TASP1: variants seen among roughly 807,000 people sequenced by gnomAD.
The protein encoded by TASP1 is threonine aspartase 1.
TASP1 carries 16 observed loss-of-function variants against 56.6 expected under a neutral mutation model. The observed-to-expected ratio is 0.28, with a 90% CI of 0.19 to 0.43. The LOEUF is 0.43. Ranked by LOEUF, TASP1 falls within the 20% of genes least tolerant of loss-of-function variation. The probability of loss-of-function intolerance (pLI) is 1.00; values close to 1 mark genes in which losing one functional copy is unlikely to be tolerated. For missense variants in TASP1, 393 were observed against 511.6 expected, an observed-to-expected ratio of 0.77 and a Z score of 2.24; for synonymous variants, 179 against 184.2, an observed-to-expected ratio of 0.97 and a Z score of 0.23.
At chr20:13,365,338 G>A in the TASP1 span, among the ~76,000 whole-genome samples, 13 of 152,110 alleles carry the variant, frequency 8.5e-5, no homozygotes, top group African/African-American at 2.2e-4. Flanking sequence ...CTAGATTCAC[G>A]GAGCATATAC....
chr20:13,343,841 C>T, the TASP1 span, among the ~76,000 whole-genome samples: 1 of 152,152 alleles, frequency 6.6e-6, no homozygotes, highest in Non-Finnish European at 1.5e-5. Context: ...CAAGTGGAAT[C>T]TATTCCTGCA....
chr20:13,273,757 A>T, the TASP1 span, among the ~76,000 whole-genome samples: 1 of 152,214 alleles, frequency 6.6e-6, no homozygotes, highest in Admixed American at 6.5e-5. Flanking sequence ...CAAAGTCAAC[A>T]AATCAAAAAG....
rs557550539 is a variant in TASP1 at position 13,578,878 on chromosome 20, G to A, written c.488+2019C>T. On this transcript the variant is annotated intron_variant, in intron 6 of 13. Coordinates refer to ENST00000337743, the MANE Select transcript of TASP1 (RefSeq NM_017714.3). ...ATAACAGTATCATGCTATCCATTAA[G>A]TACATCCAACTCTTTCATCTGTTTT... Among the ~76,000 whole-genome samples, 11 of 152,208 alleles carry A rather than the reference G, an allele frequency of 7.2e-5. No homozygotes were observed. The South Asian group carries it at 8.3e-4, about 11-fold the overall frequency.
chr20:13,624,472 A>G (rs2048818104), intron 3 of TASP1, among the ~76,000 whole-genome samples: 1 of 152,156 alleles, frequency 6.6e-6, no homozygotes, highest in African/African-American at 2.4e-5. Flanking sequence ...AATCTCTGAT[A>G]AAGTATAATC....
At position 13,569,591 on chromosome 20, in the gene TASP1, C is replaced by T. The variant is rs1169905292; in HGVS notation, c.489-5G>A. The T allele has an allele frequency of 1.2e-6, 2 of 1,610,214 alleles. No individual in the cohort carries two copies. The highest frequency in any genetic ancestry group is 1.7e-6 in the Non-Finnish European group (2 of 1,178,618). ...GCTCCTTCTCCAACTAAAAAGCTAA[C>T]AACAGAAAAATTATTTTTAAAATTC... On this transcript the variant is annotated splice_polypyrimidine_tract_variant and splice_region_variant and intron_variant, in intron 6 of 13. Coordinates refer to ENST00000337743, the MANE Select transcript of TASP1 (RefSeq NM_017714.3).
chr20:13,287,994 T>C, the TASP1 span, among the ~76,000 whole-genome samples: 8 of 152,180 alleles, frequency 5.3e-5, no homozygotes, highest in African/African-American at 9.7e-5. Context: ...TGCTCACATG[T>C]CTGGTGTCTG....
chr20:13,394,810 C>A (rs1365390523), intron 13 of TASP1, among the ~76,000 whole-genome samples: 1 of 152,080 alleles, frequency 6.6e-6, no homozygotes, highest in African/African-American at 2.4e-5. Flanking sequence ...CAGACAGATT[C>A]TTGAGGTTAA....
the TASP1 span, among the ~76,000 whole-genome samples, chr20:13,232,879 T>C: frequency 6.6e-6 from 1 of 152,232 alleles, no homozygotes; most frequent in Non-Finnish European, 1.5e-5. Flanking sequence ...GAGAAGATAC[T>C]GTCTCCTTAG....
intron 11 of TASP1, among the ~76,000 whole-genome samples, chr20:13,478,930 A>C (rs895260990): frequency 1.3e-5 from 2 of 152,202 alleles, no homozygotes; most frequent in African/African-American, 4.8e-5. Context: ...GGAATGAATA[A>C]ATTATGGAAC....
At chr20:13,116,556 T>C in the TASP1 span, among the ~76,000 whole-genome samples, 1 of 152,196 alleles carries the variant, frequency 6.6e-6, no homozygotes, top group Admixed American at 6.5e-5. Context: ...TGCCGGAGGA[T>C]GTACCAAAGC....
Position 13,558,999 on chromosome 20 carries a change from C to A in TASP1, c.675+9G>T. ...TACATTAATTTGAATATTTCAAACA[C>A]CACCTGACCTTCTCACTTGATTGTC... On this transcript the variant is annotated intron_variant, in intron 8 of 13. Transcript: ENST00000337743. 1 of 1,545,352 alleles carries A rather than the reference C, an allele frequency of 6.5e-7. No individual in the cohort carries two copies. Among genetic ancestry groups the A allele is most frequent in the Non-Finnish European group, 8.8e-7 (1 of 1,134,484 alleles).
chr20:13,329,958 C>CT, the TASP1 span, among the ~76,000 whole-genome samples: 39 of 144,980 alleles, frequency 2.7e-4, no homozygotes, highest in East Asian at 8.0e-4. Context: ...TGTCAAATTC[C>CT]TTTTTTTTTT....
At chr20:13,210,907 C>T in the TASP1 span, among the ~76,000 whole-genome samples, 4 of 152,082 alleles carry the variant, frequency 2.6e-5, no homozygotes, top group African/African-American at 9.7e-5. Flanking sequence ...TCAAATCCTA[C>T]TCCTCTTACC....
chr20:13,627,262 A>C (rs2048926810), intron 2 of TASP1, among the ~76,000 whole-genome samples: 1 of 152,186 alleles, frequency 6.6e-6, no homozygotes, highest in Admixed American at 6.5e-5. Flanking sequence ...ACACTGGACA[A>C]GGATATGAAT....
the TASP1 span, chr20:13,159,887 A>C: frequency 2.3e-6 from 3 of 1,322,618 alleles, no homozygotes; most frequent in Admixed American, 7.4e-5. Flanking sequence ...TTATTATCAT[A>C]AAAAAGAAAA....
At chr20:13,505,325 T>A (rs1404292035) in intron 10 of TASP1, among the ~76,000 whole-genome samples, 1 of 152,172 alleles carries the variant, frequency 6.6e-6, no homozygotes, top group African/African-American at 2.4e-5. Flanking sequence ...AGAACTTCAA[T>A]ATCCCACTTT....
chr20:13,247,395 G>A, the TASP1 span, among the ~76,000 whole-genome samples: 2 of 152,100 alleles, frequency 1.3e-5, no homozygotes, highest in African/African-American at 4.8e-5. Flanking sequence ...ATTCATGTCT[G>A]CCCATCTGAT....
chr20:13,207,736 C>A, the TASP1 span, among the ~76,000 whole-genome samples: 38 of 152,186 alleles, frequency 2.5e-4, no homozygotes, highest in Admixed American at 7.9e-4. Context: ...ATCTGTTTTA[C>A]TCAGTCCACC....
the TASP1 span, among the ~76,000 whole-genome samples, chr20:13,223,163 AAAAT>A: frequency 2.8e-4 from 38 of 136,352 alleles, no homozygotes; most frequent in African/African-American, 7.8e-4. Context: ...TCTCAAAAAA[AAAAT>A]AAAATAAAAT....
Sources: allele counts gnomAD v4.1 joint callset (sites outside exome capture counted in the v4.1 genomes callset), GRCh38; gene constraint gnomAD v4.1.1; transcripts MANE v1.5; gene names NCBI Gene and HGNC (gene_info 2026-07-23, HGNC 2026-07-21).